TFDP1: variants seen among roughly 807,000 people sequenced by gnomAD.
TFDP1 encodes the protein DRTF1-polypeptide 1.
A neutral mutation model predicts 48.0 loss-of-function variants in TFDP1; 6 were observed. The observed-to-expected ratio is 0.13, with a 90% CI of 0.07 to 0.25. The LOEUF (loss-of-function observed/expected upper bound fraction) is 0.25. TFDP1 is among the 10% of genes least tolerant of loss of function. The pLI is 1.00. For missense variants in TFDP1, 335 were observed against 543.0 expected (o/e 0.62, Z 3.81); for synonymous variants, 201 against 211.6 (o/e 0.95, Z 0.44).
At chr13:113,617,142 G>A (rs544174907) in intron 3 of TFDP1, among the ~76,000 whole-genome samples, 2 of 152,172 alleles carry the variant, frequency 1.3e-5, no homozygotes, top group Non-Finnish European at 2.9e-5. Flanking sequence ...GCCCAGCCAC[G>A]TCAGGCACAG....
At chr13:113,608,390 C>T (rs746647081) in intron 2 of TFDP1, among the ~76,000 whole-genome samples, 1 of 152,218 alleles carries the variant, frequency 6.6e-6, no homozygotes, top group Non-Finnish European at 1.5e-5. Context: ...GGCTGGAGTG[C>T]AGACACCATA....
At chr13:113,588,695 TAGAG>T (rs1366477385) in intron 2 of TFDP1, among the ~76,000 whole-genome samples, 12 of 151,190 alleles carry the variant, frequency 7.9e-5, no homozygotes, top group East Asian at 1.9e-4. Flanking sequence ...GTGTAGTAGT[TAGAG>T]AGTGAGTGGT....
chr13:113,599,730 C>G (rs1191074990), intron 2 of TFDP1, among the ~76,000 whole-genome samples: 1 of 152,232 alleles, frequency 6.6e-6, no homozygotes, highest in Non-Finnish European at 1.5e-5. Flanking sequence ...TGGCTCTGCC[C>G]TGACCTCCCG....
At chr13:113,639,484 A>C (rs2049587704) in intron 11 of TFDP1, among the ~76,000 whole-genome samples, 2 of 152,262 alleles carry the variant, frequency 1.3e-5, no homozygotes, top group Non-Finnish European at 2.9e-5. Context: ...GCCATTTCTG[A>C]CTTGTTTCCA....
intron 8 of TFDP1, among the ~76,000 whole-genome samples, chr13:113,635,246 G>T (rs552589120): frequency 6.6e-6 from 1 of 152,318 alleles, no homozygotes; most frequent in South Asian, 2.1e-4. Flanking sequence ...GCTGGCTGCT[G>T]CCCTGACCAA....
intron 4 of TFDP1, among the ~76,000 whole-genome samples, chr13:113,629,522 T>C (rs543810234): frequency 6.6e-6 from 1 of 152,332 alleles, no homozygotes; most frequent in African/African-American, 2.4e-5. Flanking sequence ...ACGACCGTCC[T>C]ATTTTTCATT....
At chr13:113,615,903 C>T (rs1220547648) in intron 3 of TFDP1, among the ~76,000 whole-genome samples, 3 of 151,974 alleles carry the variant, frequency 2.0e-5, no homozygotes, top group Admixed American at 1.3e-4. Flanking sequence ...CAGAGCCAGA[C>T]CCTGTCTCAA....
intron 2 of TFDP1, among the ~76,000 whole-genome samples, chr13:113,606,025 G>A (rs1439133116): frequency 7.1e-6 from 1 of 140,226 alleles, no homozygotes; most frequent in Non-Finnish European, 1.5e-5. Context: ...GTGGGAAGGC[G>A]GCGCGGTGAT....
In TFDP1 at chr13:113,627,594, G is replaced by A. The variant is rs976767272; in HGVS notation, c.187-4029G>A. Among the ~76,000 whole-genome samples, 2 of 152,182 alleles carry A rather than the reference G, an allele frequency of 1.3e-5. No individual in the cohort carries two copies. The highest frequency in any genetic ancestry group is 2.4e-5 in the African/African-American group (1 of 41,434). On this transcript the variant is annotated intron_variant, in intron 4 of 11. Coordinates refer to ENST00000375370, the MANE Select transcript of TFDP1 (RefSeq NM_007111.5). The surrounding 1 kb of genome is among the most constrained non-coding windows in gnomAD (Gnocchi z 4.1). ...AGTGTGTGAAATTAAGGTGCAAAAA[G>A]TGTGCACTTAGGGCAGAAGGGATGC...
At chr13:113,624,887 TCA>T (rs1836374403) in intron 4 of TFDP1, among the ~76,000 whole-genome samples, 1 of 135,000 alleles carries the variant, frequency 7.4e-6, no homozygotes, top group African/African-American at 2.8e-5. Flanking sequence ...CAGGTGTCTC[TCA>T]CGTGTCCTCC....
chr13:113,621,742 T>G (rs1286188801), intron 3 of TFDP1, among the ~76,000 whole-genome samples: 1 of 152,198 alleles, frequency 6.6e-6, no homozygotes, highest in Non-Finnish European at 1.5e-5. Flanking sequence ...GGTCTAGCGG[T>G]AGCCTCAGTG....
intron 4 of TFDP1, among the ~76,000 whole-genome samples, chr13:113,625,995 C>T (rs967898550): frequency 1.8e-4 from 26 of 147,004 alleles, no homozygotes; most frequent in Non-Finnish European, 3.0e-4. Flanking sequence ...GTGTCTCTCA[C>T]GTGTCCTCAG....
At chr13:113,588,046 C>T (rs2048048819) in intron 2 of TFDP1, among the ~76,000 whole-genome samples, 1 of 152,156 alleles carries the variant, frequency 6.6e-6, no homozygotes. Context: ...CACGGGGTTT[C>T]ACCATGTTGG....
rs957724153 is a variant in TFDP1, at chr13:113,640,579, T to C, written c.*312T>C. The C allele has an allele frequency of 2.0e-5, 6 of 297,934 alleles. No homozygotes were observed. Among genetic ancestry groups the C allele is most frequent in the Non-Finnish European group, 3.8e-5 (6 of 159,344 alleles). 18.5% of individuals were successfully genotyped at this position (297,934 alleles called of 1,614,324 possible). ...CCTGAAAAGTTTTTGCTGAGTTTGC[T>C]GAAGAAATTGTATTTCAACCACATC... On this transcript the variant is annotated 3_prime_UTR_variant, in exon 12 of 12. Transcript: ENST00000375370.
At chr13:113,588,653 CTG>C (rs990958968) in intron 2 of TFDP1, among the ~76,000 whole-genome samples, 40 of 152,290 alleles carry the variant, frequency 2.6e-4, no homozygotes, top group African/African-American at 7.9e-4. Flanking sequence ...TAGGAAATGA[CTG>C]TGGAGCAGTG....
intron 3 of TFDP1, among the ~76,000 whole-genome samples, chr13:113,617,831 T>C (rs75771871): frequency 0.031 from 4,701 of 152,266 alleles, 253 homozygotes; most frequent in African/African-American, 0.11. Context: ...CAAAACTGTA[T>C]GGTTTCATAA....
chr13:113,588,779 G>T (rs1311437700), intron 2 of TFDP1, among the ~76,000 whole-genome samples: 1 of 150,688 alleles, frequency 6.6e-6, no homozygotes, highest in African/African-American at 2.4e-5. Context: ...TAGATTGGAC[G>T]GAGAGTGAGT....
intron 2 of TFDP1, among the ~76,000 whole-genome samples, chr13:113,599,251 G>A (rs1048571339): frequency 1.3e-5 from 2 of 152,018 alleles, no homozygotes; most frequent in Admixed American, 6.5e-5. Flanking sequence ...ACAAAGGAGA[G>A]AGATTGTGCT....
At chr13:113,624,350 G>C (rs2049068136) in intron 4 of TFDP1, among the ~76,000 whole-genome samples, 1 of 151,392 alleles carries the variant, frequency 6.6e-6, no homozygotes, top group Non-Finnish European at 1.5e-5. Flanking sequence ...GTGTCCTCAG[G>C]TGTCTCCCAG....
Sources: gnomAD v4.1 joint callset for allele counts (sites outside exome capture counted in the v4.1 genomes callset) on GRCh38, gnomAD v4.1.1 for gene constraint, Gnocchi (gnomAD v3.1) non-coding constraint, MANE v1.5 for transcripts, NCBI Gene and HGNC (gene_info 2026-07-23, HGNC 2026-07-21) for gene names.